Variants in ACAD11 observed in about 807,000 individuals in gnomAD.
ACAD11 encodes acyl-Coenzyme A dehydrogenase family, member 11.
In ACAD11, 83 loss-of-function variants were observed where a neutral mutation model predicts 102.2. The observed-to-expected ratio is 0.81, with a 90% CI of 0.68 to 0.97. ACAD11 has a LOEUF of 0.97. ACAD11 is among the 50% of genes least tolerant of loss of function. ACAD11 has a pLI of 0.00. For missense variants in ACAD11, 901 were observed against 951.7 expected, an observed-to-expected ratio of 0.95 and a Z score of 0.70; for synonymous variants, 324 against 319.8, an observed-to-expected ratio of 1.01 and a Z score of -0.14.
chr3:132,636,940 G>A (rs576649206), intron 5 of ACAD11, among the ~76,000 whole-genome samples: 5 of 152,194 alleles, frequency 3.3e-5, no homozygotes, highest in African/African-American at 7.2e-5. Flanking sequence ...GACAAGAAAT[G>A]TGAGAGTTTG....
intron 1 of ACAD11, among the ~76,000 whole-genome samples, chr3:132,649,617 A>C (rs1371123943): frequency 6.6e-6 from 1 of 152,188 alleles, no homozygotes; most frequent in Non-Finnish European, 1.5e-5. Flanking sequence ...GTAATTAATA[A>C]ATACTGAGGG....
In ACAD11 at chr3:132,624,975, A is replaced by T. The variant is rs1939756631; in HGVS notation, c.1197+1716T>A. On this transcript the variant is annotated intron_variant, in intron 9 of 19. Coordinates refer to ENST00000264990, the MANE Select transcript of ACAD11 (RefSeq NM_032169.5). ...GCCGGGATTACAGGCTTGAGCCAGC[A>T]CACTGGTCCATTTGCATTTTTTGGA... Among the ~76,000 whole-genome samples the T allele has an allele frequency of 2.6e-5, 4 of 152,124 alleles. No homozygotes were observed. In the South Asian group the frequency reaches 8.3e-4, roughly 31 times the overall value.
chr3:132,658,714 C>A (rs930739041), intron 1 of ACAD11, among the ~76,000 whole-genome samples: 3 of 152,018 alleles, frequency 2.0e-5, no homozygotes, highest in Non-Finnish European at 4.4e-5. Flanking sequence ...TGATCCATCT[C>A]ATTTATTATT....
At chr3:132,651,522 C>A (rs1040414976) in intron 1 of ACAD11, among the ~76,000 whole-genome samples, 1 of 152,192 alleles carries the variant, frequency 6.6e-6, no homozygotes, top group African/African-American at 2.4e-5. Flanking sequence ...ACTGAATAAT[C>A]CTAGTTTCTA....
chr3:132,613,492 T>A (rs536347331), intron 11 of ACAD11, among the ~76,000 whole-genome samples: 2 of 152,108 alleles, frequency 1.3e-5, no homozygotes, highest in South Asian at 4.1e-4. Context: ...AACATAGTAT[T>A]GGAAGTTCTG....
At chr3:132,580,873 A>G (rs1937587547) in intron 13 of ACAD11, among the ~76,000 whole-genome samples, 1 of 152,006 alleles carries the variant, frequency 6.6e-6, no homozygotes, top group African/African-American at 2.4e-5. Context: ...GCAATATTAA[A>G]GAGAATGACT....
Position 132,579,572 on chromosome 3 carries a change from G to T in ACAD11, c.1622-14C>A. On this transcript the variant is annotated splice_polypyrimidine_tract_variant and intron_variant, in intron 13 of 19. Coordinates refer to ENST00000264990, the MANE Select transcript of ACAD11 (RefSeq NM_032169.5). Reference sequence around the variant, plus strand: ...GATTCCCAGCTCCTAAAACCAAGGGGAACACAAGCAGATTATAAAAGGAAA... The same window carrying T: ...GATTCCCAGCTCCTAAAACCAAGGGTAACACAAGCAGATTATAAAAGGAAA... 2.5e-6 allele frequency: 4 copies of T among 1,610,548 alleles called. No individual in the cohort carries two copies. The highest frequency in any genetic ancestry group is 3.4e-6 in the Non-Finnish European group (4 of 1,177,440).
chr3:132,559,751 A>G, intron 19 of ACAD11, 82 bp downstream of exon 19: 1 of 1,077,826 alleles, frequency 9.3e-7, no homozygotes, highest in Non-Finnish European at 1.4e-6. Flanking sequence ...AATAAACATA[A>G]GCAATTAATG....
At chr3:132,641,597 GA>G (rs1326609059) in intron 4 of ACAD11, among the ~76,000 whole-genome samples, 12 of 134,116 alleles carry the variant, frequency 8.9e-5, no homozygotes, top group East Asian at 3.1e-4. Flanking sequence ...AGAAGAAGAA[GA>G]AGAAGAGGAG....
At chr3:132,618,609 T>C (rs771999751) in intron 11 of ACAD11, 25 bp downstream of exon 11, 2 of 1,521,240 alleles carry the variant, frequency 1.3e-6, no homozygotes, top group Non-Finnish European at 1.8e-6. Flanking sequence ...TTAGAAAAAA[T>C]TATGTTTTCA....
chr3:132,624,322 A>AG (rs977095408), intron 9 of ACAD11, among the ~76,000 whole-genome samples: 2 of 149,286 alleles, frequency 1.3e-5, no homozygotes, highest in African/African-American at 5.0e-5. Flanking sequence ...AAAAAAAAAA[A>AG]AAGGCCGGGC....
chr3:132,618,076 A>G (rs555903009), intron 11 of ACAD11, among the ~76,000 whole-genome samples: 5 of 152,218 alleles, frequency 3.3e-5, no homozygotes, highest in East Asian at 1.9e-4. Context: ...AGCACTTTTC[A>G]TCTTCAAACT....
rs146215756 is a variant in ACAD11, at chr3:132,590,081, A to G, written c.1622-10523T>C. Among the ~76,000 whole-genome samples the G allele has an allele frequency of 6.9e-4, 105 of 152,298 alleles. 1 individual carries two copies. Among genetic ancestry groups the G allele is most frequent in the African/African-American group, 2.0e-3 (82 of 41,556 alleles). On this transcript the variant is annotated intron_variant, in intron 13 of 19. Transcript: ENST00000264990. ...GCATAGTATTCCATGGTGTATATGT[A>G]CCACATATTCTTTATCCAATCTGTC...
chr3:132,639,938 C>A (rs1245163145), intron 4 of ACAD11, among the ~76,000 whole-genome samples: 1 of 151,412 alleles, frequency 6.6e-6, no homozygotes, highest in African/African-American at 2.4e-5. Context: ...TCAGCAACTA[C>A]TTTGTAGAAG....
At position 132,570,735 on chromosome 3, in the gene ACAD11, C is replaced by T. The variant is rs188089182; in HGVS notation, c.2001+5037G>A. 5.9e-3 allele frequency among the ~76,000 whole-genome samples: 893 copies of T among 152,242 alleles called. 8 individuals are homozygous for T. Among genetic ancestry groups the T allele is most frequent in the African/African-American group, 0.02 (841 of 41,562 alleles). On this transcript the variant is annotated intron_variant, in intron 17 of 19. Coordinates refer to ENST00000264990, the MANE Select transcript of ACAD11 (RefSeq NM_032169.5). ...GTCCATGTGTTCTCATCATTTAGCT[C>T]CCACTTATAAGTGACAAAATGTGGT...
intron 1 of ACAD11, chr3:132,649,922 A>T (rs1183218115): frequency 6.6e-6 from 1 of 152,244 alleles, no homozygotes; most frequent in Non-Finnish European, 1.5e-5. Flanking sequence ...AACTTTTTAT[A>T]TTGATGCCAA....
chr3:132,644,788 A>G lies in ACAD11; in HGVS notation c.249+9T>C, dbSNP rs148449054. The stretch of plus-strand genomic sequence containing the variant: ...CCAAAGAATTTATCATTACATTTGT[A>G]TACTATACCTGATGTGCTTTAGGAA... On this transcript the variant is annotated intron_variant, in intron 2 of 19. Transcript: ENST00000264990. 97 of 1,570,608 alleles carry G rather than the reference A, an allele frequency of 6.2e-5. No homozygotes were observed. In the Middle Eastern group the frequency reaches 6.8e-4, roughly 11 times the overall value.
chr3:132,562,081 A>T (rs112272900), intron 17 of ACAD11, among the ~76,000 whole-genome samples: 3,691 of 152,204 alleles, frequency 0.024, 157 homozygotes, highest in African/African-American at 0.083. Flanking sequence ...GTTGAAGGAC[A>T]TTTCGGTTGT....
chr3:132,648,199 C>G lies in ACAD11; in HGVS notation c.150-3303G>C, dbSNP rs533842304. Among the ~76,000 whole-genome samples, 6 of 152,300 alleles carry G rather than the reference C, an allele frequency of 3.9e-5. No individual in the cohort carries two copies. In the East Asian group the frequency reaches 1.2e-3, roughly 29 times the overall value. Reference sequence around the variant, plus strand: ...GGACATAACTAGTTGAAAGAACCCTCTACACTTAGGGAAGCCCAAAGCTAT... The same window carrying G: ...GGACATAACTAGTTGAAAGAACCCTGTACACTTAGGGAAGCCCAAAGCTAT... On this transcript the variant is annotated intron_variant, in intron 1 of 19. Transcript: ENST00000264990.
Sources: allele counts gnomAD v4.1 joint callset (sites outside exome capture counted in the v4.1 genomes callset), GRCh38; gene constraint gnomAD v4.1.1; transcripts MANE v1.5; gene names NCBI Gene and HGNC (gene_info 2026-07-23, HGNC 2026-07-21).